Variants in ARFGEF1 observed in about 807,000 individuals in gnomAD.
The protein encoded by ARFGEF1 is ARF guanine nucleotide exchange factor 1.
A neutral mutation model predicts 231.0 loss-of-function variants in ARFGEF1; 42 were observed. That is an observed-to-expected ratio of 0.18 (90% CI 0.14 to 0.24). ARFGEF1 has a LOEUF of 0.24. ARFGEF1 is among the 10% of genes least tolerant of loss of function. The pLI, the probability that ARFGEF1 is intolerant of heterozygous loss-of-function variation, is 1.00. For missense variants in ARFGEF1, 1,345 were observed against 2,192.0 expected (o/e 0.61, Z 7.72); for synonymous variants, 710 against 732.3 (o/e 0.97, Z 0.49).
chr8:67,245,843 G>T (rs1805110993), intron 19 of ARFGEF1, among the ~76,000 whole-genome samples: 1 of 150,368 alleles, frequency 6.7e-6, no homozygotes, highest in Admixed American at 6.6e-5. Context: ...GATCTGTTGT[G>T]TACATGAGAC....
chr8:67,307,795 T>G (rs1295190020), intron 1 of ARFGEF1, among the ~76,000 whole-genome samples: 1 of 152,186 alleles, frequency 6.6e-6, no homozygotes, highest in African/African-American at 2.4e-5. Context: ...ATAGTGACCT[T>G]GCCACCAGGA....
chr8:67,343,102 C>CA, intron 1 of ARFGEF1, 62 bp downstream of exon 1: 5 of 560,606 alleles, frequency 8.9e-6, no homozygotes, highest in South Asian at 8.3e-5. Flanking sequence ...CACCCCCCCA[C>CA]AGGCGCCCCC....
intron 16 of ARFGEF1, 27 bp from the exon 17 acceptor site, chr8:67,257,843 A>G: frequency 5.8e-6 from 9 of 1,551,624 alleles, no homozygotes; most frequent in Non-Finnish European, 7.0e-6. Context: ...ATCATGTTAT[A>G]AACTTCTACT....
At chr8:67,210,917 A>G (rs879453267) in intron 34 of ARFGEF1, among the ~76,000 whole-genome samples, 3 of 148,422 alleles carry the variant, frequency 2.0e-5, no homozygotes, top group Non-Finnish European at 3.0e-5. Flanking sequence ...GCTGGAGGTG[A>G]TGGTGGGCAC....
At chr8:67,245,102 T>C (rs564407892) in intron 19 of ARFGEF1, among the ~76,000 whole-genome samples, 1 of 150,734 alleles carries the variant, frequency 6.6e-6, no homozygotes, top group South Asian at 2.1e-4. Flanking sequence ...AAAAAACTTT[T>C]ACCTGAAAAT....
chr8:67,288,715 A>G (rs993699512), intron 6 of ARFGEF1, among the ~76,000 whole-genome samples: 3 of 152,146 alleles, frequency 2.0e-5, no homozygotes, highest in African/African-American at 7.2e-5. Context: ...CCTGGGTGAC[A>G]GAGCAAGACG....
intron 27 of ARFGEF1, 120 bp downstream of exon 27, chr8:67,227,017 T>C (rs1839397533): frequency 1.1e-6 from 1 of 877,636 alleles, no homozygotes; most frequent in African/African-American, 1.7e-5. Context: ...TCTGGTTCTG[T>C]AGACAAAGCT....
intron 33 of ARFGEF1, among the ~76,000 whole-genome samples, 167 bp from the exon 34 acceptor site, chr8:67,211,782 T>C (rs1322668540): frequency 6.6e-6 from 1 of 152,170 alleles, no homozygotes; most frequent in African/African-American, 2.4e-5. Context: ...TACCTGTACA[T>C]AGAGAAAAGT....
intron 1 of ARFGEF1, among the ~76,000 whole-genome samples, chr8:67,334,068 G>A (rs1047590668): frequency 1.3e-5 from 2 of 150,596 alleles, no homozygotes; most frequent in Non-Finnish European, 2.9e-5. Flanking sequence ...CCTGGGAAGC[G>A]GAAGTTACAG....
intron 28 of ARFGEF1, among the ~76,000 whole-genome samples, chr8:67,225,618 GC>G (rs1839346699): frequency 6.6e-6 from 1 of 152,116 alleles, no homozygotes; most frequent in Non-Finnish European, 1.5e-5. Context: ...GTATTACACA[GC>G]ACAGACAGAC....
At chr8:67,253,402 C>T in intron 18 of ARFGEF1, 49 bp downstream of exon 18, 2 of 1,337,746 alleles carry the variant, frequency 1.5e-6, no homozygotes, top group Non-Finnish European at 2.1e-6. Flanking sequence ...CTTAGGAACC[C>T]ATATTTTTCC....
chr8:67,343,136 C>T, intron 1 of ARFGEF1, 28 bp downstream of exon 1: 1 of 1,571,110 alleles, frequency 6.4e-7, no homozygotes, highest in Non-Finnish European at 8.6e-7. Flanking sequence ...AACAAGCACC[C>T]CATCCCCCGG....
At chr8:67,232,823 C>G (rs1280093139) in intron 23 of ARFGEF1, 32 bp downstream of exon 23, 1 of 1,493,502 alleles carries the variant, frequency 6.7e-7, no homozygotes, top group African/African-American at 1.4e-5. Flanking sequence ...AAATAGTAAT[C>G]ATCTGAAAAG....
Position 67,203,335 on chromosome 8 carries a change from G to A in ARFGEF1, c.4960-84C>T, listed in dbSNP as rs950381768. ...ACAACTCAATGCTCCCCAAAGACCA[G>A]TTTTACAAGAAAGCCACAGATACTC... On this transcript the variant is annotated intron_variant, in intron 35 of 38. Coordinates refer to ENST00000262215, the MANE Select transcript of ARFGEF1 (RefSeq NM_006421.5). The A allele has an allele frequency of 6.1e-5, 90 of 1,473,106 alleles. 1 individual carries two copies. Among genetic ancestry groups the A allele is most frequent in the South Asian group, 3.6e-4 (28 of 77,546 alleles). The allele number at this position is 1,473,106 out of a possible 1,614,324, so 91.3% of individuals were successfully genotyped here. A position where few individuals can be genotyped will look rare whatever the true frequency, so the allele number is the denominator to read the frequency against.
chr8:67,320,895 T>C (rs908841917), intron 1 of ARFGEF1, among the ~76,000 whole-genome samples: 13 of 151,858 alleles, frequency 8.6e-5, no homozygotes, highest in Middle Eastern at 3.2e-3. Context: ...CAGGAAGAGG[T>C]TGCAATAAGC....
chr8:67,215,013 TAA>T (rs1369588371), intron 33 of ARFGEF1, among the ~76,000 whole-genome samples: 7 of 152,210 alleles, frequency 4.6e-5, no homozygotes, highest in Non-Finnish European at 7.4e-5. Flanking sequence ...TTGTCCCTGC[TAA>T]GTTTCAACCT....
chr8:67,199,142 G>A (rs1838219798), intron 38 of ARFGEF1, 44 bp from the exon 39 acceptor site: 8 of 1,587,950 alleles, frequency 5.0e-6, no homozygotes, highest in Non-Finnish European at 6.8e-6. Flanking sequence ...ATTGCAAACT[G>A]CAGAGCCTTA....
chr8:67,330,517 T>TA (rs1808052572), intron 1 of ARFGEF1, among the ~76,000 whole-genome samples: 2 of 152,154 alleles, frequency 1.3e-5, no homozygotes, highest in African/African-American at 4.8e-5. Context: ...TCTAATAATA[T>TA]AACTTTATTT....
At chr8:67,322,453 T>C (rs1807640741) in intron 1 of ARFGEF1, among the ~76,000 whole-genome samples, 1 of 152,176 alleles carries the variant, frequency 6.6e-6, no homozygotes, top group Non-Finnish European at 1.5e-5. Flanking sequence ...TCCCAACACT[T>C]TGGGAGGCCC....
Sources: allele counts gnomAD v4.1 joint callset (sites outside exome capture counted in the v4.1 genomes callset), GRCh38; gene constraint gnomAD v4.1.1; transcripts MANE v1.5; gene names NCBI Gene and HGNC (gene_info 2026-07-23, HGNC 2026-07-21).